LMLN: variants seen among roughly 807,000 people sequenced by gnomAD.
LMLN encodes leishmanolysin like peptidase.
A neutral mutation model predicts 92.3 loss-of-function variants in LMLN; 70 were observed. The ratio of observed to expected loss-of-function variants is 0.76; its 90% CI spans 0.63 to 0.92. LMLN has a LOEUF of 0.92. Among genes scored for constraint, LMLN ranks in the 40% least tolerant of loss-of-function variants. LMLN has a pLI of 0.00. For synonymous variants in LMLN, 308 were observed against 296.2 expected (o/e 1.04, Z -0.41); for missense variants, 691 against 814.6 (o/e 0.85, Z 1.85).
intron 9 of LMLN, among the ~76,000 whole-genome samples, chr3:197,993,283 A>G (rs1482286465): frequency 6.6e-6 from 1 of 152,176 alleles, no homozygotes; most frequent in Non-Finnish European, 1.5e-5. Flanking sequence ...CCATAGAAAT[A>G]AATAAAAGGC....
intron 9 of LMLN, among the ~76,000 whole-genome samples, chr3:197,991,103 C>A (rs896108331): frequency 7.1e-6 from 1 of 140,266 alleles, no homozygotes; most frequent in Non-Finnish European, 1.5e-5. Flanking sequence ...CTTTTATTTT[C>A]TTTCTTTCTT....
At chr3:197,983,700 T>TA (rs574414105) in intron 6 of LMLN, among the ~76,000 whole-genome samples, 126 of 152,328 alleles carry the variant, frequency 8.3e-4, no homozygotes, top group African/African-American at 2.9e-3. Flanking sequence ...ATTATATTGA[T>TA]ATATTTCAAA....
At position 198,042,699 on chromosome 3, in the gene LMLN, G is replaced by T. The variant is rs375481454; in HGVS notation, c.*4032G>T. The T allele has an allele frequency of 6.6e-6, 1 of 152,092 alleles. No homozygotes were observed. The highest frequency in any genetic ancestry group is 1.5e-5 in the Non-Finnish European group (1 of 68,020). 9.4% of individuals were successfully genotyped at this position (152,092 alleles called of 1,614,324 possible). On this transcript the variant is annotated 3_prime_UTR_variant, in exon 16 of 16. Transcript: ENST00000330198. This position sits in a 1 kb window ranked among gnomAD's most constrained non-coding sequence, Gnocchi z 4.2. ...TCAAGTACTTATTAAAAACTATCTT[G>T]GTTTTCTGTTCAGACTTAGGCTCAT...
At chr3:198,035,778 T>C in intron 14 of LMLN, 55 bp from the exon 16 acceptor site, 1 of 1,317,260 alleles carries the variant, frequency 7.6e-7, no homozygotes, top group Non-Finnish European at 1.1e-6. Context: ...TCTCTTAGAA[T>C]CTTACTGACC....
exon 8 of LMLN, chr3:197,985,847 C>G: frequency 6.2e-7 from 1 of 1,613,808 alleles, no homozygotes; most frequent in Non-Finnish European, 8.5e-7. Context: ...TGGAAATCCT[C>G]TCACTTCAAG....
chr3:197,984,947 G>GT, intron 7 of LMLN, among the ~76,000 whole-genome samples: 1 of 152,006 alleles, frequency 6.6e-6, no homozygotes, highest in Non-Finnish European at 1.5e-5. Flanking sequence ...CAAAGTGCTG[G>GT]GATTACAGGC....
intron 11 of LMLN, among the ~76,000 whole-genome samples, chr3:198,013,328 C>T (rs1225973501): frequency 6.5e-5 from 5 of 77,508 alleles, no homozygotes; most frequent in African/African-American, 1.5e-4. Context: ...CTTCAGAGCC[C>T]CCCAACTAGT....
chr3:197,998,955 A>T (rs1722099279), intron 10 of LMLN, among the ~76,000 whole-genome samples: 1 of 152,220 alleles, frequency 6.6e-6, no homozygotes, highest in Non-Finnish European at 1.5e-5. Flanking sequence ...CTTTACCTGG[A>T]GAGTATAATA....
At chr3:197,984,483 G>A (rs1270015077) in intron 7 of LMLN, among the ~76,000 whole-genome samples, 2 of 151,146 alleles carry the variant, frequency 1.3e-5, no homozygotes, top group Non-Finnish European at 3.0e-5. Flanking sequence ...GCCCTGGGCT[G>A]CTGCTGCTGC....
chr3:197,967,022 C>G (rs1382097089), intron 1 of LMLN, among the ~76,000 whole-genome samples: 1 of 152,182 alleles, frequency 6.6e-6, no homozygotes, highest in Non-Finnish European at 1.5e-5. Flanking sequence ...TCTGGAGCCA[C>G]TGGGCCCAAG....
At chr3:197,966,167 A>G (rs1462342370) in intron 1 of LMLN, among the ~76,000 whole-genome samples, 1 of 151,958 alleles carries the variant, frequency 6.6e-6, no homozygotes, top group African/African-American at 2.4e-5. Context: ...CTCAGCCTCC[A>G]GAGTAGCTGG....
chr3:197,967,034 A>G (rs1292477106), intron 1 of LMLN, among the ~76,000 whole-genome samples: 2 of 152,048 alleles, frequency 1.3e-5, no homozygotes, highest in African/African-American at 4.8e-5. Flanking sequence ...GGGCCCAAGG[A>G]GTCTTCCTAC....
chr3:197,983,464 A>C (rs1721613717), intron 6 of LMLN, among the ~76,000 whole-genome samples: 1 of 152,168 alleles, frequency 6.6e-6, no homozygotes, highest in African/African-American at 2.4e-5. Flanking sequence ...ATTTATGTGA[A>C]TGTAGGCAGT....
intron 11 of LMLN, 83 bp downstream of exon 12, chr3:198,003,208 T>C (rs1273019683): frequency 1.2e-6 from 1 of 803,234 alleles, no homozygotes; most frequent in Admixed American, 2.8e-5. Flanking sequence ...AAAATGCTAT[T>C]TTCAAAATGT....
chr3:197,971,127 C>T (rs1721212402), intron 1 of LMLN, among the ~76,000 whole-genome samples: 1 of 152,178 alleles, frequency 6.6e-6, no homozygotes, highest in African/African-American at 2.4e-5. Flanking sequence ...CAATGCCATT[C>T]GTACTTCTCT....
Position 198,021,663 on chromosome 3 carries a change from A to G in LMLN, c.1525+58A>G. ...CATATTAAAATTATGTATTAGCAAT[A>G]TAGAATCGTGGTTAAGGGCACAGAC... On this transcript the variant is annotated intron_variant, in intron 13 of 15. Transcript: ENST00000330198. 3 of 1,484,220 alleles carry G rather than the reference A, an allele frequency of 2.0e-6. No individual in the cohort carries two copies. The East Asian group carries it at 7.0e-5, about 35-fold the overall frequency. 91.9% of individuals were successfully genotyped at this position (1,484,220 alleles called of 1,614,324 possible).
intron 1 of LMLN, among the ~76,000 whole-genome samples, chr3:197,973,540 G>A (rs1333982262): frequency 4.6e-5 from 7 of 152,094 alleles, no homozygotes; most frequent in South Asian, 2.1e-4. Flanking sequence ...GTGAGCCACC[G>A]TGTCTGGCCT....
intron 7 of LMLN, among the ~76,000 whole-genome samples, chr3:197,985,082 AT>A (rs1410446614): frequency 6.6e-6 from 1 of 152,138 alleles, no homozygotes; most frequent in East Asian, 1.9e-4. Context: ...TCAGCTAAAT[AT>A]TTTTTTACAT....
rs1226176740 is a variant in LMLN, at chr3:197,990,660, T to C, written c.1031T>C (p.Val344Ala). ...GTTCGTCACACTGTGTATCTCCTGG[T>C]AACGCCTCGTGTTGTTGTAAGTATT... Residue 344 changes from valine (V) to alanine (A), a missense_variant, in exon 9 of 16, where the codon GTA becomes GCA. By Grantham distance (64) the Val-to-Ala change is moderately conservative (BLOSUM62 0). This residue lies in a region of LMLN where 352 missense variants were observed against 443.6 expected (regional missense o/e 0.79). Coordinates refer to ENST00000330198, the Ensembl canonical transcript of LMLN. The C allele has an allele frequency of 3.9e-6, 6 of 1,545,012 alleles. No homozygotes were observed. In the African/African-American group the frequency reaches 8.2e-5, roughly 21 times the overall value.
Sources: gnomAD v4.1 joint callset for allele counts (sites outside exome capture counted in the v4.1 genomes callset) on GRCh38, gnomAD v4.1.1 for gene constraint, gnomAD v4.1.1 regional missense constraint, Gnocchi (gnomAD v3.1) non-coding constraint, MANE v1.5 for transcripts, NCBI Gene and HGNC (gene_info 2026-07-23, HGNC 2026-07-21) for gene names.